Variants in NAV3 observed in about 807,000 individuals in gnomAD.
NAV3 encodes the protein neuron navigator 3.
Under a neutral mutation model 244.7 loss-of-function variants are expected in NAV3, and 87 were observed. That is an observed-to-expected ratio of 0.36 (90% CI 0.30 to 0.42). The LOEUF is 0.42. Among genes scored for constraint, NAV3 ranks in the 20% least tolerant of loss-of-function variants. The pLI is 1.00. For missense variants in NAV3, 2,663 were observed against 2,893.3 expected (o/e 0.92, Z 1.83); for synonymous variants, 1,126 against 1,042.2 (o/e 1.08, Z -1.55).
intron 2 of NAV3, among the ~76,000 whole-genome samples, chr12:77,589,537 C>G (rs1018828712): frequency 1.3e-5 from 2 of 152,200 alleles, no homozygotes; most frequent in African/African-American, 4.8e-5. Context: ...GGGAAGCAAA[C>G]ACATCCTTCT....
At chr12:77,797,086 T>C (rs762105363) in intron 2 of NAV3, among the ~76,000 whole-genome samples, 44 of 152,224 alleles carry the variant, frequency 2.9e-4, no homozygotes, top group Non-Finnish European at 3.7e-4. Flanking sequence ...ACTTTCATGC[T>C]ATTTGTGAGA....
intron 2 of NAV3, among the ~76,000 whole-genome samples, chr12:77,665,761 A>G (rs1339755476): frequency 6.6e-6 from 1 of 152,194 alleles, no homozygotes; most frequent in African/African-American, 2.4e-5. Flanking sequence ...TCAGTCAGTA[A>G]TTACTCAAAG....
At chr12:78,008,669 G>A (rs1874683581) in intron 8 of NAV3, among the ~76,000 whole-genome samples, 1 of 148,072 alleles carries the variant, frequency 6.8e-6, no homozygotes, top group African/African-American at 2.5e-5. Context: ...TTTGCTCAAT[G>A]AGGAATGTAA....
chr12:78,075,432 A>G (rs1952997333), intron 12 of NAV3, among the ~76,000 whole-genome samples: 1 of 152,138 alleles, frequency 6.6e-6, no homozygotes, highest in Non-Finnish European at 1.5e-5. Context: ...AAAAGTATGT[A>G]TTGTTTGTAT....
At chr12:77,763,549 T>G (rs1869595615) in intron 2 of NAV3, among the ~76,000 whole-genome samples, 1 of 152,196 alleles carries the variant, frequency 6.6e-6, no homozygotes, top group Admixed American at 6.5e-5. Flanking sequence ...ATACGAGTAA[T>G]GCACCATTGG....
At position 78,137,190 on chromosome 12, in the gene NAV3, T is replaced by C; in HGVS notation, c.4455T>C (p.Asn1485=). The part of the protein sequence containing the change: ...YHFSNLVSPT[N]LSQFNLPGPS... Reference sequence around the variant, plus strand: ...TTTGTTTTTCAGTGAGCCCAACAAATTTGTCTCAGTTTAACCTTCCCGGGC... The same window carrying C: ...TTTGTTTTTCAGTGAGCCCAACAAACTTGTCTCAGTTTAACCTTCCCGGGC... Residue 1485 remains asparagine, a synonymous_variant, in exon 19 of 40, where the codon AAT becomes AAC. Coordinates refer to ENST00000397909, the MANE Select transcript of NAV3 (RefSeq NM_001024383.2). The C allele has an allele frequency of 6.2e-7, 1 of 1,610,598 alleles. No homozygotes were observed. Among genetic ancestry groups the C allele is most frequent in the Non-Finnish European group, 8.5e-7 (1 of 1,178,464 alleles).
intron 2 of NAV3, among the ~76,000 whole-genome samples, chr12:77,824,421 A>G (rs962240779): frequency 6.6e-6 from 1 of 152,022 alleles, no homozygotes; most frequent in South Asian, 2.1e-4. Context: ...GCCTTGAAAA[A>G]TTAATTGCAT....
rs1280213343 is a variant in NAV3 at position 77,749,954 on chromosome 12, G to A, written c.72+177688G>A. 2.0e-5 allele frequency among the ~76,000 whole-genome samples: 3 copies of A among 152,206 alleles called. No individual in the cohort carries two copies. In the East Asian group the frequency reaches 5.8e-4, roughly 29 times the overall value. On this transcript the variant is annotated intron_variant, in intron 2 of 8. Coordinates refer to the NAV3 transcript ENST00000550042. ...TGAGTCCCCTGGGAAGTCATGGGCA[G>A]CTGCTGCTAGAGAGATATATTTCAG... is the stretch of plus-strand genomic sequence containing the variant.
Position 78,210,548 on chromosome 12 carries a change from G to A in NAV3, c.*31G>A, listed in dbSNP as rs2140141437. The A allele has an allele frequency of 1.3e-6, 2 of 1,599,780 alleles. No individual in the cohort carries two copies. Among genetic ancestry groups the A allele is most frequent in the Admixed American group, 1.8e-5 (1 of 56,420 alleles). On this transcript the variant is annotated 3_prime_UTR_variant, in exon 40 of 40. Transcript: ENST00000397909. ...GAAAAAAGTTAAGGGAAAAGACTTT[G>A]CTTTTAAAAAAATGTTTCAAAAGAA...
At chr12:77,743,928 A>G (rs922188849) in intron 2 of NAV3, among the ~76,000 whole-genome samples, 2 of 151,846 alleles carry the variant, frequency 1.3e-5, no homozygotes, top group Non-Finnish European at 2.9e-5. Context: ...CAGTAGAGAT[A>G]AAAGGATGGT....
chr12:77,924,664 C>T (rs1041232610), intron 1 of NAV3, among the ~76,000 whole-genome samples: 2 of 151,968 alleles, frequency 1.3e-5, no homozygotes, highest in African/African-American at 4.8e-5. Context: ...AGAAGAAATT[C>T]AAGATAAGGA....
chr12:77,675,245 G>A (rs754343019), intron 2 of NAV3, among the ~76,000 whole-genome samples: 3 of 152,188 alleles, frequency 2.0e-5, no homozygotes, highest in African/African-American at 4.8e-5. Context: ...AAACAGAACT[G>A]TTAGGAGATA....
At chr12:78,175,531 C>A (rs1565761467) in intron 25 of NAV3, 104 bp downstream of exon 25, 6 of 1,421,974 alleles carry the variant, frequency 4.2e-6, no homozygotes, top group Non-Finnish European at 5.7e-6. Flanking sequence ...CAAAGGGTCC[C>A]ATTCAAGCTA....
At chr12:78,127,010 T>C (rs1038754231) in intron 16 of NAV3, among the ~76,000 whole-genome samples, 157 bp from the exon 17 acceptor site, 3 of 152,234 alleles carry the variant, frequency 2.0e-5, no homozygotes, top group Non-Finnish European at 4.4e-5. Flanking sequence ...GCAATGGACA[T>C]CTTGTCACCT....
intron 1 of NAV3, among the ~76,000 whole-genome samples, chr12:77,918,973 A>T (rs1887442089): frequency 6.6e-6 from 1 of 152,074 alleles, no homozygotes; most frequent in Non-Finnish European, 1.5e-5. Context: ...GATGATTATT[A>T]TAATCTGCAG....
chr12:77,968,905 T>C (rs2138002665), intron 5 of NAV3, among the ~76,000 whole-genome samples: 1 of 152,266 alleles, frequency 6.6e-6, no homozygotes, highest in South Asian at 2.1e-4. Flanking sequence ...GGGTGACGTA[T>C]TTTGTTTGTT....
At chr12:77,750,854 G>A (rs1868815630) in intron 2 of NAV3, among the ~76,000 whole-genome samples, 1 of 152,170 alleles carries the variant, frequency 6.6e-6, no homozygotes, top group African/African-American at 2.4e-5. Flanking sequence ...CACAGCAAGT[G>A]ATAATCAATT....
chr12:77,665,955 A>G (rs535224446), intron 2 of NAV3, among the ~76,000 whole-genome samples: 10 of 152,286 alleles, frequency 6.6e-5, no homozygotes, highest in African/African-American at 2.4e-4. Flanking sequence ...GCTTTAATTC[A>G]TTTACTCAAA....
Position 78,021,697 on chromosome 12 carries a change from G to A in NAV3, c.1908-50G>A, listed in dbSNP as rs528115228. On this transcript the variant is annotated intron_variant, in intron 8 of 39. Transcript: ENST00000397909. ...TTGTAGAACTTCCACTTTGATGAGT[G>A]ACTAGTGACTATAACTGCTATTTCT... 2.8e-5 allele frequency: 35 copies of A among 1,233,498 alleles called. 1 individual carries two copies. The South Asian group carries it at 4.2e-4, about 15-fold the overall frequency. 76.4% of individuals were successfully genotyped at this position (1,233,498 alleles called of 1,614,324 possible).
Sources: allele counts gnomAD v4.1 joint callset (sites outside exome capture counted in the v4.1 genomes callset), GRCh38; gene constraint gnomAD v4.1.1; transcripts MANE v1.5; gene names NCBI Gene and HGNC (gene_info 2026-07-23, HGNC 2026-07-21).